CLCA1: variants seen among roughly 807,000 people sequenced by gnomAD.
CLCA1 encodes calcium-activated chloride channel regulator 1.
CLCA1 carries 59 observed loss-of-function variants against 85.6 expected under a neutral mutation model. The ratio of observed to expected loss-of-function variants is 0.69; its 90% CI spans 0.56 to 0.86. The LOEUF (loss-of-function observed/expected upper bound fraction) is 0.86, where lower values mean the gene tolerates loss of function less well. Ranked by LOEUF, CLCA1 falls within the 40% of genes least tolerant of loss-of-function variation. The pLI is 0.00. For missense variants in CLCA1, 1,022 were observed against 1,101.4 expected (o/e 0.93, Z 1.02); for synonymous variants, 396 against 398.3 (o/e 0.99, Z 0.07).
chr1:86,482,137 C>A, intron 4 of CLCA1, 68 bp from the exon 5 acceptor site: 2 of 1,206,992 alleles, frequency 1.7e-6, no homozygotes, highest in Non-Finnish European at 2.4e-6. Context: ...CTGTCAGAAA[C>A]TGAGCATAGA....
chr1:86,478,393 C>T (rs1000092037), intron 4 of CLCA1, among the ~76,000 whole-genome samples: 1 of 152,010 alleles, frequency 6.6e-6, no homozygotes, highest in Non-Finnish European at 1.5e-5. Context: ...CACCACTGCA[C>T]TCCAGCCTAG....
chr1:86,482,514 T>C (rs1647847187), intron 5 of CLCA1, 132 bp downstream of exon 5: 5 of 841,740 alleles, frequency 5.9e-6, no homozygotes, highest in African/African-American at 5.1e-5. Flanking sequence ...TGGGACAAGC[T>C]GGGTGTGCAA....
At chr1:86,469,616 A>C (rs1358986851) in intron 1 of CLCA1, among the ~76,000 whole-genome samples, 2 of 152,140 alleles carry the variant, frequency 1.3e-5, no homozygotes, top group African/African-American at 4.8e-5. Flanking sequence ...GATGGGAGAA[A>C]ACCTTGCATT....
In CLCA1 at chr1:86,488,689, C is replaced by T. The variant is rs374018499; in HGVS notation, c.1183-307C>T. 8.5e-5 allele frequency among the ~76,000 whole-genome samples: 13 copies of T among 152,258 alleles called. No homozygotes were observed. The East Asian group carries it at 2.3e-3, about 27-fold the overall frequency. On this transcript the variant is annotated intron_variant, in intron 7 of 13. Transcript: ENST00000394711. Reference sequence around the variant, plus strand: ...GCTCTGAAAGCCTATCAAGGAGAGACCAAGTGAAGGAAACTAGGAACACCT... The same window carrying T: ...GCTCTGAAAGCCTATCAAGGAGAGATCAAGTGAAGGAAACTAGGAACACCT...
chr1:86,491,165 C>T, intron 8 of CLCA1, 100 bp from the exon 9 acceptor site: 1 of 728,158 alleles, frequency 1.4e-6, no homozygotes, highest in Non-Finnish European at 2.3e-6. Flanking sequence ...TTTAATAACA[C>T]AAAGGGATAT....
chr1:86,489,236 T>C, intron 8 of CLCA1, 66 bp downstream of exon 8: 5 of 1,446,372 alleles, frequency 3.5e-6, no homozygotes, highest in Non-Finnish European at 4.7e-6. Flanking sequence ...TCCAGTGAAC[T>C]GGGGAGTGGG....
Position 86,498,812 on chromosome 1 carries a change from G to T in CLCA1, c.2353+1G>T. 6 of 1,613,068 alleles carry T rather than the reference G, an allele frequency of 3.7e-6. No individual in the cohort carries two copies. The highest frequency in any genetic ancestry group is 4.2e-6 in the Non-Finnish European group (5 of 1,179,244). On this transcript the variant is annotated splice_donor_variant, in intron 13 of 13. Transcript: ENST00000394711. LOFTEE classifies it high-confidence loss of function. The stretch of plus-strand genomic sequence containing the variant: ...GGGGATGATTATGACCATGGAACAG[G>T]TAAGCTGAACCTGGTGTGGACCCTG...
At chr1:86,478,424 C>A (rs1348583766) in intron 4 of CLCA1, among the ~76,000 whole-genome samples, 6 of 151,824 alleles carry the variant, frequency 4.0e-5, no homozygotes, top group Non-Finnish European at 8.8e-5. Flanking sequence ...AAGACTCCAT[C>A]CCCCCGAAAA....
intron 1 of CLCA1, among the ~76,000 whole-genome samples, chr1:86,469,759 A>AG: frequency 6.6e-6 from 1 of 152,302 alleles, no homozygotes; most frequent in East Asian, 1.9e-4. Flanking sequence ...ACAACAACAA[A>AG]CAGCTAAAAC....
chr1:86,473,897 C>T (rs1217298016), intron 3 of CLCA1, 21 bp downstream of exon 3: 3 of 1,558,230 alleles, frequency 1.9e-6, no homozygotes, highest in South Asian at 2.4e-5. Flanking sequence ...TTCTACCATA[C>T]TTCTCATACA....
rs377317440 is a variant in CLCA1 at position 86,482,365 on chromosome 1, G to A, written c.718G>A (p.Ala240Thr). ...RQTEKASIMF[A>T]QHVDSIVEFC... Reference sequence around the variant, plus strand: ...GACGGAGAAGGCTTCTATAATGTTTGCACAACATGTTGATTCTGTAAGTAC... The same window carrying A: ...GACGGAGAAGGCTTCTATAATGTTTACACAACATGTTGATTCTGTAAGTAC... The change falls in exon 5 of 14, where the codon GCA becomes ACA. Residue 240 changes from alanine (A) to threonine (T), a missense_variant. By Grantham distance (58) the Ala-to-Thr change is moderately conservative (BLOSUM62 0). Coordinates refer to ENST00000394711, the MANE Select transcript of CLCA1 (RefSeq NM_001285.4). The A allele has an allele frequency of 6.2e-7, 1 of 1,613,844 alleles. No individual in the cohort carries two copies. Among genetic ancestry groups the A allele is most frequent in the Non-Finnish European group, 8.5e-7 (1 of 1,179,846 alleles).
chr1:86,498,209 A>G (rs1648353113), intron 12 of CLCA1, among the ~76,000 whole-genome samples: 1 of 151,874 alleles, frequency 6.6e-6, no homozygotes, highest in South Asian at 2.1e-4. Context: ...GAAGGAAGGA[A>G]AAAACAGATG....
intron 12 of CLCA1, among the ~76,000 whole-genome samples, chr1:86,497,357 T>C (rs1328075501): frequency 6.6e-6 from 1 of 152,192 alleles, no homozygotes; most frequent in Non-Finnish European, 1.5e-5. Flanking sequence ...GGTATGAAGA[T>C]TAAACGGTCT....
At chr1:86,493,774 A>G (rs1467453297) in intron 10 of CLCA1, among the ~76,000 whole-genome samples, 175 bp downstream of exon 10, 2 of 152,250 alleles carry the variant, frequency 1.3e-5, no homozygotes, top group East Asian at 3.8e-4. Context: ...GTATGTCAGC[A>G]AGTAAAGACA....
intron 6 of CLCA1, among the ~76,000 whole-genome samples, chr1:86,485,898 A>G (rs891801495): frequency 6.6e-6 from 1 of 152,136 alleles, no homozygotes; most frequent in Non-Finnish European, 1.5e-5. Context: ...AATACCCAAG[A>G]CTGAGTAATT....
chr1:86,478,865 C>A (rs561687232), intron 4 of CLCA1, among the ~76,000 whole-genome samples: 18 of 152,310 alleles, frequency 1.2e-4, no homozygotes, highest in African/African-American at 3.9e-4. Context: ...GGCTTAGAAG[C>A]AATCACACAA....
At chr1:86,498,866 G>T in intron 13 of CLCA1, 55 bp downstream of exon 13, 1 of 1,565,338 alleles carries the variant, frequency 6.4e-7, no homozygotes, top group Non-Finnish European at 8.7e-7. Flanking sequence ...AAGTAGAAGA[G>T]CAGAAGCGGG....
chr1:86,474,181 T>C (rs1647579208), intron 3 of CLCA1, among the ~76,000 whole-genome samples: 1 of 152,250 alleles, frequency 6.6e-6, no homozygotes, highest in African/African-American at 2.4e-5. Context: ...TCTATGGATA[T>C]GTAAGGAGAC....
chr1:86,477,450 A>C lies in CLCA1; in HGVS notation c.557+897A>C, dbSNP rs538950878. 5.9e-5 allele frequency among the ~76,000 whole-genome samples: 9 copies of C among 152,352 alleles called. No homozygotes were observed. In the South Asian group the frequency reaches 1.7e-3, roughly 28 times the overall value. ...TTGGAAAGAACGCTTGGCTGCCATGAATTTATGGGCTAATTCTTGCAGCCA... is the reference window on the plus strand; with the variant it reads ...TTGGAAAGAACGCTTGGCTGCCATGCATTTATGGGCTAATTCTTGCAGCCA... On this transcript the variant is annotated intron_variant, in intron 4 of 13. Coordinates refer to ENST00000394711, the MANE Select transcript of CLCA1 (RefSeq NM_001285.4).
Sources: allele counts gnomAD v4.1 joint callset (sites outside exome capture counted in the v4.1 genomes callset), GRCh38; gene constraint gnomAD v4.1.1; transcripts MANE v1.5; gene names NCBI Gene and HGNC (gene_info 2026-07-23, HGNC 2026-07-21).